Variants in JAK1 observed in about 807,000 individuals in gnomAD.
The protein encoded by JAK1 is Janus kinase 1, also known as tyrosine-protein kinase JAK1.
A neutral mutation model predicts 136.6 loss-of-function variants in JAK1; 16 were observed. The ratio of observed to expected loss-of-function variants is 0.12; its 90% CI spans 0.08 to 0.18. The LOEUF (loss-of-function observed/expected upper bound fraction) is 0.18, where lower values mean the gene tolerates loss of function less well. Ranked by LOEUF, JAK1 falls within the 10% of genes least tolerant of loss-of-function variation. JAK1 has a pLI of 1.00. For missense variants in JAK1, 859 were observed against 1,450.1 expected, an observed-to-expected ratio of 0.59 and a Z score of 6.62; for synonymous variants, 492 against 519.5, an observed-to-expected ratio of 0.95 and a Z score of 0.72.
Position 65,042,989 on chromosome 1 carries a change from T to C in JAK1, c.-78+1491A>G, listed in dbSNP as rs533522589. Among the ~76,000 whole-genome samples the C allele has an allele frequency of 2.0e-5, 3 of 152,220 alleles. No individual in the cohort carries two copies. The East Asian group carries it at 5.8e-4, about 29-fold the overall frequency. ...TTCAAGGAGTTTGGTGTGGGCCCAT[T>C]ACAGGTTCTCTATGTTGGAAATGAC... is the stretch of plus-strand genomic sequence containing the variant. On this transcript the variant is annotated intron_variant, in intron 2 of 25. Transcript: ENST00000671954.
intron 1 of JAK1, among the ~76,000 whole-genome samples, chr1:64,962,534 G>A (rs774368088): frequency 4.6e-5 from 7 of 152,122 alleles, no homozygotes; most frequent in South Asian, 2.1e-4. Context: ...CTTTCCTGTC[G>A]CCTTAAACTG....
intron 1 of JAK1, among the ~76,000 whole-genome samples, chr1:64,927,011 T>C (rs1015045793): frequency 6.6e-5 from 10 of 152,240 alleles, no homozygotes; most frequent in Non-Finnish European, 1.5e-4. Context: ...TCTTCCATTA[T>C]GCCCCAAGTC....
intron 1 of JAK1, among the ~76,000 whole-genome samples, chr1:64,951,654 T>C (rs1646090440): frequency 1.2e-5 from 1 of 86,290 alleles, no homozygotes; most frequent in African/African-American, 6.5e-5. Context: ...TCTGCCTTTT[T>C]TTTTTTTTTT....
chr1:64,869,663 G>C (rs746908916), intron 5 of JAK1, among the ~76,000 whole-genome samples, 189 bp from the exon 6 acceptor site: 56 of 152,120 alleles, frequency 3.7e-4, no homozygotes, highest in Non-Finnish European at 1.3e-4. Context: ...GTTCTCCCCC[G>C]CTCATTCATT....
intron 2 of JAK1, among the ~76,000 whole-genome samples, chr1:65,029,991 T>C (rs1647008986): frequency 6.6e-6 from 1 of 152,060 alleles, no homozygotes; most frequent in African/African-American, 2.4e-5. Context: ...GACTGTGTGT[T>C]CCCCCACACC....
chr1:64,943,453 A>C (rs1645925886), intron 1 of JAK1, among the ~76,000 whole-genome samples: 1 of 152,216 alleles, frequency 6.6e-6, no homozygotes, highest in African/African-American at 2.4e-5. Context: ...ACAAAAAAGC[A>C]ATTTGTAAAA....
intron 2 of JAK1, among the ~76,000 whole-genome samples, chr1:65,030,913 G>C (rs547333292): frequency 6.6e-6 from 1 of 152,038 alleles, no homozygotes; most frequent in Non-Finnish European, 1.5e-5. Flanking sequence ...CAGGACTTTG[G>C]GGGGCAGAGG....
chr1:64,964,669 T>C (rs1646341166), intron 1 of JAK1, among the ~76,000 whole-genome samples: 1 of 152,184 alleles, frequency 6.6e-6, no homozygotes, highest in African/African-American at 2.4e-5. Flanking sequence ...TAAAAAAACA[T>C]AGTTTTGTAT....
intron 1 of JAK1, among the ~76,000 whole-genome samples, chr1:64,961,461 C>A (rs777181636): frequency 6.6e-6 from 1 of 152,160 alleles, no homozygotes; most frequent in Non-Finnish European, 1.5e-5. Context: ...TTCTCATCTT[C>A]CCCACTCATT....
chr1:64,834,313 G>A lies in JAK1; in HGVS notation c.*249C>T, dbSNP rs1473331176. On this transcript the variant is annotated 3_prime_UTR_variant, in exon 25 of 25. Transcript: ENST00000342505. Reference sequence around the variant, plus strand: ...TCTTTCCACAAGGAGGAGTGCTTAAGTGCTTTCAAATATTTTGGTTGTCAT... The same window carrying A: ...TCTTTCCACAAGGAGGAGTGCTTAAATGCTTTCAAATATTTTGGTTGTCAT... The A allele has an allele frequency of 2.9e-6, 1 of 339,052 alleles. No individual in the cohort carries two copies. The highest frequency in any genetic ancestry group is 2.0e-5 in the African/African-American group (1 of 48,792). The allele number at this position is 339,052 out of a possible 1,614,324, so 21.0% of individuals were successfully genotyped here.
chr1:64,901,049 ACTGTCTGTAGAATCATCTGTCTTCG>A (rs1468263082), intron 1 of JAK1, among the ~76,000 whole-genome samples: 1 of 152,106 alleles, frequency 6.6e-6, no homozygotes, highest in Non-Finnish European at 1.5e-5. Flanking sequence ...CTGCTCCCTA[ACTGTCTGTAGAATCATCTGTCTTCG>A]CTGTCTTTGA....
intron 1 of JAK1, among the ~76,000 whole-genome samples, chr1:64,907,105 G>C (rs918673010): frequency 6.6e-6 from 1 of 152,006 alleles, no homozygotes; most frequent in African/African-American, 2.4e-5. Context: ...TTTGTAAAAA[G>C]AGAAAAGATG....
chr1:64,902,583 A>AGAGAGAGAGTGT lies in JAK1; in HGVS notation c.-77-16243_-77-16242insACACTCTCTCTC. On this transcript the variant is annotated intron_variant, in intron 1 of 24. Transcript: ENST00000342505. The stretch of plus-strand genomic sequence containing the variant: ...GAGAGAGAGAGAGAGAGAGAGAGAG[A>AGAGAGAGAGTGT]GTGTGTGTGTGTGTGTGTGTGTGTG... 6.7e-3 allele frequency among the ~76,000 whole-genome samples: 498 copies of AGAGAGAGAGTGT among 73,782 alleles called. 5 individuals carry two copies. Among genetic ancestry groups the AGAGAGAGAGTGT allele is most frequent in the South Asian group, 0.015 (24 of 1,572 alleles). 48.4% of individuals were successfully genotyped at this position (73,782 alleles called of 152,430 possible).
intron 1 of JAK1, among the ~76,000 whole-genome samples, chr1:65,044,832 T>C (rs1431889871): frequency 3.3e-5 from 5 of 152,228 alleles, no homozygotes; most frequent in African/African-American, 1.2e-4. Context: ...CCTTGGAGAC[T>C]GTGATGCCCT....
chr1:64,995,302 G>A (rs1212161323), intron 2 of JAK1, among the ~76,000 whole-genome samples: 3 of 152,094 alleles, frequency 2.0e-5, no homozygotes, highest in Non-Finnish European at 4.4e-5. Context: ...TAGGCCCATC[G>A]AGAGATGAGA....
intron 2 of JAK1, among the ~76,000 whole-genome samples, chr1:65,007,083 A>C (rs1646809451): frequency 6.6e-6 from 1 of 152,206 alleles, no homozygotes; most frequent in Admixed American, 6.5e-5. Context: ...TTGGGTGGTC[A>C]AGGAAGCCTT....
intron 2 of JAK1, among the ~76,000 whole-genome samples, chr1:64,978,067 C>G (rs1418103233): frequency 6.6e-6 from 1 of 152,068 alleles, no homozygotes; most frequent in East Asian, 1.9e-4. Context: ...ATCATGAGGT[C>G]AAGAGATTGA....
At chr1:64,999,612 G>A (rs1646734177) in intron 2 of JAK1, among the ~76,000 whole-genome samples, 1 of 152,040 alleles carries the variant, frequency 6.6e-6, no homozygotes, top group Non-Finnish European at 1.5e-5. Flanking sequence ...GCACATGCCT[G>A]TGGTCCCAGC....
intron 1 of JAK1, among the ~76,000 whole-genome samples, chr1:64,954,550 C>A (rs990612214): frequency 5.3e-5 from 8 of 152,160 alleles, no homozygotes; most frequent in African/African-American, 9.7e-5. Context: ...TGTCCCAAAG[C>A]CTTTTTGCCT....
Sources: allele counts gnomAD v4.1 joint callset (sites outside exome capture counted in the v4.1 genomes callset), GRCh38; gene constraint gnomAD v4.1.1; transcripts MANE v1.5; gene names NCBI Gene and HGNC (gene_info 2026-07-23, HGNC 2026-07-21).